Variants in USP51 observed in about 807,000 individuals in gnomAD.
The protein encoded by USP51 is ubiquitin specific peptidase 51.
USP51 carries 5 observed loss-of-function variants against 17.6 expected under a neutral mutation model. The observed-to-expected ratio is 0.28, with a 90% confidence interval of 0.15 to 0.60. The LOEUF (loss-of-function observed/expected upper bound fraction) is 0.60, where lower values mean the gene tolerates loss of function less well. USP51 is among the 20% of genes least tolerant of loss of function. The pLI is 0.88. For synonymous variants in USP51, 248 were observed against 216.1 expected, an observed-to-expected ratio of 1.15 and a Z score of -1.29; for missense variants, 459 against 559.5, an observed-to-expected ratio of 0.82 and a Z score of 1.81.
chrX:55,488,244 CTT>C lies in USP51; in HGVS notation c.694_695del (p.Lys232ValfsTer8), dbSNP rs746805968. ...GTPETRKRKA[K>X]SCICHVCSTH... ...TACTACATACGTGACAGATGCATGA[CTT>C]TGCTTTACGTTTCCTAGTCTCTGGG... On this transcript the variant is annotated frameshift_variant, in exon 3 of 3. Transcript: ENST00000500968. LOFTEE classifies it low-confidence loss of function (END_TRUNC). 8.3e-7 allele frequency: 1 copy of C among 1,211,876 alleles called. No homozygotes were observed. Among genetic ancestry groups the C allele is most frequent in the Non-Finnish European group, 1.1e-6 (1 of 895,565 alleles).
At position 55,488,856 on chromosome X, in the gene USP51, C is replaced by G. The variant is rs1223037035; in HGVS notation, c.84G>C (p.Glu28Asp). 1.7e-6 allele frequency: 2 copies of G among 1,211,250 alleles called. No individual in the cohort carries two copies. Among genetic ancestry groups the G allele is most frequent in the Non-Finnish European group, 2.2e-6 (2 of 895,351 alleles). Residue 28 changes from glutamate (E) to aspartate (D), a missense_variant, in exon 3 of 3, where the codon GAG becomes GAC. Glu to Asp is a conservative substitution (Grantham distance 45). This residue lies in a region of USP51 where 232 missense variants were observed against 194.0 expected (regional missense o/e 1.20). Coordinates refer to ENST00000500968, the MANE Select transcript of USP51 (RefSeq NM_201286.4). ...ISGGGGGASP[E>D]EAVEKAGKME... ...TTTTCCCCGCCTTCTCAACCGCCTC[C>G]TCAGGAGAGGCTCCTCCCCCACCTC...
At chrX:55,489,103 C>T (rs1202023919) in intron 2 of USP51, 66 bp downstream of exon 2, 7 of 690,838 alleles carry the variant, frequency 1.0e-5, no homozygotes, top group Non-Finnish European at 1.5e-5. Context: ...CAGCCCGCGG[C>T]TTCTGTCGGC....
At position 55,488,518 on chromosome X, in the gene USP51, G is replaced by A; in HGVS notation, c.422C>T (p.Ala141Val). 1 of 1,101,341 alleles carries A rather than the reference G, an allele frequency of 9.1e-7. No individual in the cohort carries two copies. The highest frequency in any genetic ancestry group is 1.2e-6 in the Non-Finnish European group (1 of 844,519). 90.8% of individuals were successfully genotyped at this position (1,101,341 alleles called of 1,213,427 possible). A position where few individuals can be genotyped will look rare whatever the true frequency, so the allele number is the denominator to read the frequency against. Residue 141 changes from alanine to valine, a missense_variant, in exon 3 of 3, where the codon GCA becomes GTA. By Grantham distance (64) the Ala-to-Val change is moderately conservative (BLOSUM62 0). Around this residue, in one of 2 missense-constraint regions of USP51, gnomAD observed 232 missense variants for 194.0 expected, o/e 1.20. Transcript: ENST00000500968. ...TCCACGCCAGGCCCTGGGCCGCGGT[G>A]CGGGTGGGGGCGGGGGTGGCGGCGG... ...PPPPPPPPPP[A>V]PRPRAWRGSR...
chrX:55,488,001 A>C lies in USP51; in HGVS notation c.939T>G (p.Thr313=), dbSNP rs774340532. ...ETKEKILRLL[T]STSTDVSHQQ... ...GATGAGAAACATCTGTTGAGGTGGA[A>C]GTTAATAATCTCAAAATTTTTTCTT... The change falls in exon 3 of 3, where the codon ACT becomes ACG. Residue 313 remains threonine (T), a synonymous_variant. Coordinates refer to ENST00000500968, the MANE Select transcript of USP51 (RefSeq NM_201286.4). 3.3e-6 allele frequency: 4 copies of C among 1,208,138 alleles called. No homozygotes were observed. The highest frequency in any genetic ancestry group is 3.0e-5 in the East Asian group (1 of 33,828).
Position 55,488,824 on chromosome X carries a change from T to G in USP51, c.116A>C (p.Glu39Ala), listed in dbSNP as rs781096241. Residue 39 changes from glutamate to alanine, a missense_variant, in exon 3 of 3, where the codon GAG becomes GCG. Glu to Ala is a moderately radical substitution (Grantham distance 107, BLOSUM62 -1). Coordinates refer to ENST00000500968, the MANE Select transcript of USP51 (RefSeq NM_201286.4). Reference protein sequence around the residue: ...EAVEKAGKMEEAAAGATKASS... With the variant: ...EAVEKAGKMEAAAAGATKASS... ...CGCCTTCGTAGCCCCCGCCGCCGCC[T>G]CCTCCATTTTCCCCGCCTTCTCAAC... The G allele has an allele frequency of 1.4e-5, 17 of 1,209,340 alleles. No individual in the cohort carries two copies. Among genetic ancestry groups the G allele is most frequent in the East Asian group, 3.0e-5 (1 of 33,731 alleles).
chrX:55,486,871 A>G lies in USP51; in HGVS notation c.2069T>C (p.Ile690Thr). The stretch of plus-strand genomic sequence containing the variant: ...CCCTTCACTGTAGAGTAAGTCCTCA[A>G]TGGTAGCCTTGGTGATGATGGCATC... Reference protein sequence around the residue: ...CDDAIITKATIEDLLYSEGYL... With the variant: ...CDDAIITKATTEDLLYSEGYL... The change falls in exon 3 of 3, where the codon ATT (isoleucine) becomes ACT (threonine). Residue 690 changes from isoleucine (I) to threonine (T), a missense_variant. Physicochemically the swap from Ile to Thr is moderately conservative, Grantham distance 89. Coordinates refer to ENST00000500968, the MANE Select transcript of USP51 (RefSeq NM_201286.4). 1.7e-6 allele frequency: 2 copies of G among 1,211,542 alleles called. No individual in the cohort carries two copies. The highest frequency in any genetic ancestry group is 1.7e-5 in the African/African-American group (1 of 57,755).
Position 55,488,538 on chromosome X carries a change from C to T in USP51, c.402G>A (p.Pro134=), listed in dbSNP as rs757366996. 3.0e-6 allele frequency: 2 copies of T among 672,856 alleles called. No individual in the cohort carries two copies. The highest frequency in any genetic ancestry group is 2.4e-5 in the African/African-American group (1 of 41,009). The allele number at this position is 672,856 out of a possible 1,213,427, so 55.5% of individuals were successfully genotyped here. ...PPPPARPPPP[P]PPPPPPAPRP... ...GCGGTGCGGGTGGGGGCGGGGGTGG[C>T]GGCGGGGGCGGGGGCCGGGCTGGAG... is the stretch of plus-strand genomic sequence containing the variant. Residue 134 remains proline (P), a synonymous_variant, in exon 3 of 3, where the codon CCG becomes CCA. Transcript: ENST00000500968.
Position 55,488,912 on chromosome X carries a change from G to T in USP51, c.28C>A (p.Pro10Thr). 3 of 1,207,336 alleles carry T rather than the reference G, an allele frequency of 2.5e-6. No individual in the cohort carries two copies. In the South Asian group the frequency reaches 5.4e-5, roughly 22 times the overall value. MAQVRETSL[P>T]SGSGVRWISG... ...ATCCAGCGGACCCCAGAGCCGGAGG[G>T]CAAAGAAGTTTCTCGAACCTGGGCC... The change falls in exon 3 of 3, where the codon CCC (proline) becomes ACC (threonine). Residue 10 changes from proline (P) to threonine (T), a missense_variant. Transcript: ENST00000500968.
intron 2 of USP51, 21 bp downstream of exon 2, chrX:55,489,148 T>A: frequency 2.1e-6 from 1 of 480,096 alleles, no homozygotes; most frequent in Non-Finnish European, 3.5e-6. Context: ...CTGGAGCTGA[T>A]GGGGAGACCG....
rs781265454 is a variant in USP51, at chrX:55,487,864, G to A, written c.1076C>T (p.Thr359Ile). 32 of 1,186,954 alleles carry A rather than the reference G, an allele frequency of 2.7e-5. No individual in the cohort carries two copies. The Admixed American group carries it at 4.6e-4, about 17-fold the overall frequency. The change falls in exon 3 of 3, where the codon ACT (threonine) becomes ATT (isoleucine). Residue 359 changes from threonine to isoleucine, a missense_variant. By Grantham distance (89) the Thr-to-Ile change is moderately conservative. Around this residue, in one of 2 missense-constraint regions of USP51, gnomAD observed 227 missense variants for 365.5 expected, o/e 0.62. Transcript: ENST00000500968. Reference protein sequence around the residue: ...KKKRRKKSVYTVGLRGLINLG... With the variant: ...KKKRRKKSVYIVGLRGLINLG... The stretch of plus-strand genomic sequence containing the variant: ...ATTGATTAGCCCTCTCAGGCCTACA[G>A]TATAGACTGACTTTTTTCTTCTCTT...
Position 55,488,612 on chromosome X carries a change from G to C in USP51, c.328C>G (p.Pro110Ala). The C allele has an allele frequency of 1.8e-6, 2 of 1,141,042 alleles. No homozygotes were observed. The highest frequency in any genetic ancestry group is 2.3e-6 in the Non-Finnish European group (2 of 864,147). The allele number at this position is 1,141,042 out of a possible 1,213,427, so 94.0% of individuals were successfully genotyped here. A position where few individuals can be genotyped will look rare whatever the true frequency, so the allele number is the denominator to read the frequency against. The part of the protein sequence containing the change: ...PRRKPRPRPQ[P>A]RARSRSQPGL... Reference sequence around the variant, plus strand: ...GGCTGGCTGCGGGAGCGGGCCCGGGGCTGGGGCCGAGGGCGGGGCTTGCGG... The same window carrying C: ...GGCTGGCTGCGGGAGCGGGCCCGGGCCTGGGGCCGAGGGCGGGGCTTGCGG... The change falls in exon 3 of 3, where the codon CCC becomes GCC. Residue 110 changes from proline to alanine, a missense_variant. Pro to Ala is a conservative substitution (Grantham distance 27). Transcript: ENST00000500968.
rs2031293806 is a variant in USP51, at chrX:55,485,029, CAGA to C, written c.*1772_*1774del. 1 of 111,547 alleles carries C rather than the reference CAGA, an allele frequency of 9.0e-6. No individual in the cohort carries two copies. Among genetic ancestry groups the C allele is most frequent in the African/African-American group, 3.3e-5 (1 of 30,608 alleles). The allele number at this position is 111,547 out of a possible 1,213,427, so 9.2% of individuals were successfully genotyped here. ...AAATAAAGAGGGAATAAAGAATGAGCAGAAGGACTGCAAGCACAAACCCATTGC... is the reference window on the plus strand; with the variant it reads ...AAATAAAGAGGGAATAAAGAATGAGCAGGACTGCAAGCACAAACCCATTGC... On this transcript the variant is annotated 3_prime_UTR_variant, in exon 3 of 3. Transcript: ENST00000500968.
At position 55,487,995 on chromosome X, in the gene USP51, G is replaced by A. The variant is rs1023263234; in HGVS notation, c.945C>T (p.Thr315=). 1.7e-6 allele frequency: 2 copies of A among 1,206,163 alleles called. No homozygotes were observed. The highest frequency in any genetic ancestry group is 2.2e-5 in the Admixed American group (1 of 45,343). ...ACTGTTGATGAGAAACATCTGTTGA[G>A]GTGGAAGTTAATAATCTCAAAATTT... ...KEKILRLLTS[T]STDVSHQQFM... The change falls in exon 3 of 3, where the codon ACC becomes ACT. Residue 315 remains threonine, a synonymous_variant. Transcript: ENST00000500968.
At position 55,486,239 on chromosome X, in the gene USP51, T is replaced by A. The variant is rs1209990189; in HGVS notation, c.*565A>T. On this transcript the variant is annotated 3_prime_UTR_variant, in exon 3 of 3. Transcript: ENST00000500968. ...AAATTAAAAAATTATTTTTAACTTTTAAAATATTTCTTTTAAAAATAACAA... is the reference window on the plus strand; with the variant it reads ...AAATTAAAAAATTATTTTTAACTTTAAAAATATTTCTTTTAAAAATAACAA... 1 of 112,300 alleles carries A rather than the reference T, an allele frequency of 8.9e-6. No homozygotes were observed. Among genetic ancestry groups the A allele is most frequent in the Non-Finnish European group, 1.9e-5 (1 of 53,180 alleles). The allele number at this position is 112,300 out of a possible 1,213,427, so 9.3% of individuals were successfully genotyped here.
rs760485886 is a variant in USP51, at chrX:55,486,615, T to C, written c.*189A>G. 24 of 469,803 alleles carry C rather than the reference T, an allele frequency of 5.1e-5. No homozygotes were observed. Among genetic ancestry groups the C allele is most frequent in the Non-Finnish European group, 7.0e-5 (21 of 300,604 alleles). The allele number at this position is 469,803 out of a possible 1,213,427, so 38.7% of individuals were successfully genotyped here. ...CCTCTCCCCATTTCTTAAGGTTGAA[T>C]GGTCACTGGTTAGTATTCATTTTTT... On this transcript the variant is annotated 3_prime_UTR_variant, in exon 3 of 3. Transcript: ENST00000500968.
Position 55,486,566 on chromosome X carries a change from T to C in USP51, c.*238A>G, listed in dbSNP as rs1376141557. On this transcript the variant is annotated 3_prime_UTR_variant, in exon 3 of 3. Coordinates refer to ENST00000500968, the MANE Select transcript of USP51 (RefSeq NM_201286.4). ...ATTCTTTTCATTTCATTATGCTTTATGTGACCATTTTCAACCTCTTCTCCC... is the reference window on the plus strand; with the variant it reads ...ATTCTTTTCATTTCATTATGCTTTACGTGACCATTTTCAACCTCTTCTCCC... 2.8e-6 allele frequency: 1 copy of C among 360,633 alleles called. No homozygotes were observed. The highest frequency in any genetic ancestry group is 4.7e-6 in the Non-Finnish European group (1 of 213,901). 29.7% of individuals were successfully genotyped at this position (360,633 alleles called of 1,213,427 possible). A position where few individuals can be genotyped will look rare whatever the true frequency, so the allele number is the denominator to read the frequency against.
rs1015451614 is a variant in USP51 at position 55,489,303 on chromosome X, C to CT, written c.-185dup. 19 of 175,804 alleles carry CT rather than the reference C, an allele frequency of 1.1e-4. No homozygotes were observed. Among genetic ancestry groups the CT allele is most frequent in the Admixed American group, 4.4e-4 (6 of 13,737 alleles). 14.5% of individuals were successfully genotyped at this position (175,804 alleles called of 1,213,427 possible). On this transcript the variant is annotated 5_prime_UTR_variant, in exon 2 of 3. Transcript: ENST00000500968. ...TAAAAAAGGCGCCACCCTCTGACTG[C>CT]TTTTTTGCGCCCTGCGCAGCCTCGC...
Position 55,488,409 on chromosome X carries a change from G to C in USP51, c.531C>G (p.Gly177=). 3 of 1,211,213 alleles carry C rather than the reference G, an allele frequency of 2.5e-6. No individual in the cohort carries two copies. Among genetic ancestry groups the C allele is most frequent in the Non-Finnish European group, 3.4e-6 (3 of 895,111 alleles). The change falls in exon 3 of 3, where the codon GGC becomes GGG. Residue 177 remains glycine, a synonymous_variant. Coordinates refer to ENST00000500968, the MANE Select transcript of USP51 (RefSeq NM_201286.4). ...CCTCCAGCAACCAGTCCCCTAAGCC[G>C]CCAGGATCCCCCGACCCGTCTAGGT... The part of the protein sequence containing the change: ...SGDLDGSGDP[G]GLGDWLLEVE...
rs2031301632 is a variant in USP51 at position 55,485,513 on chromosome X, A to AT, written c.*1290_*1291insA. On this transcript the variant is annotated 3_prime_UTR_variant, in exon 3 of 3. Transcript: ENST00000500968. ...ATATCAACATAAAGCTCAAAAAAAA[A>AT]AATATATATATATATATATACTCAC... The AT allele has an allele frequency of 1.9e-5, 2 of 105,386 alleles. No individual in the cohort carries two copies. The highest frequency in any genetic ancestry group is 6.9e-5 in the African/African-American group (2 of 29,072). The allele number at this position is 105,386 out of a possible 1,213,427, so 8.7% of individuals were successfully genotyped here. A position where few individuals can be genotyped will look rare whatever the true frequency, so the allele number is the denominator to read the frequency against.
Sources: gnomAD v4.1 joint callset for allele counts on GRCh38, gnomAD v4.1.1 for gene constraint, gnomAD v4.1.1 regional missense constraint, MANE v1.5 for transcripts, NCBI Gene and HGNC (gene_info 2026-07-23, HGNC 2026-07-21) for gene names.